KIAA1217: variants seen among roughly 807,000 people sequenced by gnomAD.
The protein encoded by KIAA1217 is sickle tail protein homolog.
KIAA1217 carries 88 observed loss-of-function variants against 163.9 expected under a neutral mutation model. The ratio of observed to expected loss-of-function variants is 0.54; its 90% CI spans 0.45 to 0.64. The LOEUF is 0.64. Ranked by LOEUF, KIAA1217 falls within the 30% of genes least tolerant of loss-of-function variation. The pLI is 0.00. For missense variants in KIAA1217, 2,372 were observed against 2,475.0 expected (o/e 0.96, Z 0.88); for synonymous variants, 903 against 923.1 (o/e 0.98, Z 0.39).
intron 1 of KIAA1217, among the ~76,000 whole-genome samples, chr10:23,780,382 A>G (rs968660853): frequency 3.3e-5 from 5 of 152,158 alleles, no homozygotes; most frequent in African/African-American, 1.2e-4. Flanking sequence ...TATTTATCCT[A>G]TATAACTGAA....
In KIAA1217 at chr10:24,337,934, C is replaced by T. The variant is rs1452632330; in HGVS notation, c.355-42935C>T. 2.6e-5 allele frequency among the ~76,000 whole-genome samples: 4 copies of T among 152,156 alleles called. No homozygotes were observed. The East Asian group carries it at 5.8e-4, about 22-fold the overall frequency. On this transcript the variant is annotated intron_variant, in intron 2 of 20. Coordinates refer to ENST00000376454, the MANE Select transcript of KIAA1217 (RefSeq NM_019590.5). ...CTGGGATTCCAGGCATGAGCCACCG[C>T]GCCCGGCCCGTAAACATTTTTATGT...
rs149280620 is a variant in KIAA1217, at chr10:23,733,986, G to A, written c.-321+38752G>A. On this transcript the variant is annotated intron_variant, in intron 1 of 18. Coordinates refer to the KIAA1217 transcript ENST00000376462. ...TCCTGATTGTTCCTTATCATGATAA[G>A]GAAAAACACATTTTTTCTTTCATAT... Among the ~76,000 whole-genome samples, 1,015 of 151,910 alleles carry A rather than the reference G, an allele frequency of 6.7e-3. 15 individuals are homozygous for A. The highest frequency in any genetic ancestry group is 0.023 in the African/African-American group (962 of 41,430).
At chr10:24,167,778 T>C (rs533551677) in intron 2 of KIAA1217, among the ~76,000 whole-genome samples, 46 of 152,230 alleles carry the variant, frequency 3.0e-4, no homozygotes, top group Non-Finnish European at 4.8e-4. Context: ...TGTAATGGTA[T>C]GCCACAGAGA....
At chr10:23,852,140 G>C (rs1253606401) in intron 1 of KIAA1217, among the ~76,000 whole-genome samples, 1 of 152,012 alleles carries the variant, frequency 6.6e-6, no homozygotes, top group Non-Finnish European at 1.5e-5. Context: ...GGGTTTTTAT[G>C]GTTTTAGGTC....
intron 2 of KIAA1217, among the ~76,000 whole-genome samples, chr10:24,170,006 G>T (rs2065549666): frequency 6.6e-6 from 1 of 152,186 alleles, no homozygotes; most frequent in Admixed American, 6.6e-5. Flanking sequence ...GATAGCAGTG[G>T]TTGATTGTGT....
chr10:24,268,471 C>T (rs1039372522), intron 2 of KIAA1217, among the ~76,000 whole-genome samples: 10 of 150,902 alleles, frequency 6.6e-5, no homozygotes, highest in African/African-American at 2.2e-4. Flanking sequence ...CTCATCATCA[C>T]TGGCCATCAG....
chr10:24,209,824 A>G (rs949807531), intron 1 of KIAA1217, among the ~76,000 whole-genome samples: 8 of 152,176 alleles, frequency 5.3e-5, no homozygotes, highest in Admixed American at 2.0e-4. Flanking sequence ...TTTATGTTTT[A>G]ATTCAAAACT....
At chr10:23,835,360 G>T (rs906355533) in intron 1 of KIAA1217, among the ~76,000 whole-genome samples, 1 of 151,864 alleles carries the variant, frequency 6.6e-6, no homozygotes, top group African/African-American at 2.4e-5. Flanking sequence ...CTCAAAAATG[G>T]AGTGATTTTT....
intron 2 of KIAA1217, among the ~76,000 whole-genome samples, chr10:24,123,954 G>A (rs1181359016): frequency 6.6e-6 from 1 of 152,130 alleles, no homozygotes; most frequent in African/African-American, 2.4e-5. Flanking sequence ...TAATTTTGAA[G>A]GGGGTAATAT....
At chr10:23,730,424 A>G (rs1838411318) in intron 1 of KIAA1217, among the ~76,000 whole-genome samples, 1 of 152,214 alleles carries the variant, frequency 6.6e-6, no homozygotes. Flanking sequence ...GTAACATTCC[A>G]GTAAGCATTG....
chr10:23,953,279 T>C (rs1163243665), intron 1 of KIAA1217, among the ~76,000 whole-genome samples: 1 of 152,242 alleles, frequency 6.6e-6, no homozygotes, highest in Non-Finnish European at 1.5e-5. Context: ...TAACATATTA[T>C]GCTTGTTCTT....
intron 2 of KIAA1217, among the ~76,000 whole-genome samples, chr10:24,359,090 T>TG (rs1554829303): frequency 4.7e-4 from 68 of 145,996 alleles, no homozygotes; most frequent in African/African-American, 1.5e-3. Flanking sequence ...TTCTTTTTTT[T>TG]TTTTTTTTTG....
intron 2 of KIAA1217, among the ~76,000 whole-genome samples, chr10:24,317,009 G>T (rs1038416341): frequency 2.0e-5 from 3 of 152,082 alleles, no homozygotes; most frequent in Non-Finnish European, 4.4e-5. Flanking sequence ...GAGTGTGTGG[G>T]GGGCGCTGGT....
At chr10:24,456,528 G>A (rs1482428355) in intron 5 of KIAA1217, among the ~76,000 whole-genome samples, 6 of 152,006 alleles carry the variant, frequency 3.9e-5, no homozygotes, top group Non-Finnish European at 8.8e-5. Flanking sequence ...TGAATCAGGG[G>A]CTCAGAGTTC....
At chr10:24,487,826 G>T (rs569844058) in intron 6 of KIAA1217, among the ~76,000 whole-genome samples, 163 of 152,268 alleles carry the variant, frequency 1.1e-3, no homozygotes, top group Admixed American at 2.0e-3. Context: ...GAGGACATAG[G>T]AAGAAATAGA....
chr10:24,023,825 G>A (rs1589248812), intron 2 of KIAA1217, among the ~76,000 whole-genome samples: 1 of 151,638 alleles, frequency 6.6e-6, no homozygotes, highest in Admixed American at 6.6e-5. Flanking sequence ...GATGAATCCT[G>A]CAGACTCAAT....
chr10:23,952,880 A>G (rs538281495), intron 1 of KIAA1217, among the ~76,000 whole-genome samples: 25 of 152,336 alleles, frequency 1.6e-4, no homozygotes, highest in Admixed American at 3.3e-4. Flanking sequence ...AAGCATGAGG[A>G]CTTGGCTCAG....
intron 2 of KIAA1217, among the ~76,000 whole-genome samples, chr10:24,247,741 C>T (rs2073987183): frequency 6.6e-6 from 1 of 152,222 alleles, no homozygotes; most frequent in East Asian, 1.9e-4. Flanking sequence ...GTGGAGCTTG[C>T]AGTGAGCTGA....
intron 1 of KIAA1217, among the ~76,000 whole-genome samples, chr10:23,889,288 T>G (rs1841322315): frequency 6.6e-6 from 1 of 151,904 alleles, no homozygotes; most frequent in African/African-American, 2.4e-5. Context: ...TATGAGAGTT[T>G]CAGTAGCTCT....
Sources: allele counts gnomAD v4.1 joint callset (sites outside exome capture counted in the v4.1 genomes callset), GRCh38; gene constraint gnomAD v4.1.1; transcripts MANE v1.5; gene names NCBI Gene and HGNC (gene_info 2026-07-23, HGNC 2026-07-21).